Variants in ANKS1B observed in about 807,000 individuals in gnomAD.
ANKS1B encodes ankyrin repeat and sterile alpha motif domain containing 1B.
ANKS1B carries 36 observed loss-of-function variants against 148.3 expected under a neutral mutation model. The ratio of observed to expected loss-of-function variants is 0.24; its 90% CI spans 0.19 to 0.32. ANKS1B has a LOEUF of 0.32. ANKS1B is among the 10% of genes least tolerant of loss of function. The pLI is 1.00. For missense variants in ANKS1B, 1,157 were observed against 1,542.6 expected, an observed-to-expected ratio of 0.75 and a Z score of 4.19; for synonymous variants, 542 against 560.8, an observed-to-expected ratio of 0.97 and a Z score of 0.47.
At chr12:99,409,111 C>A (rs532397157) in intron 11 of ANKS1B, among the ~76,000 whole-genome samples, 6 of 152,240 alleles carry the variant, frequency 3.9e-5, no homozygotes, top group African/African-American at 1.4e-4. Flanking sequence ...TGTCTATCAA[C>A]ATATGAATGG....
At chr12:99,553,777 C>T (rs1173067074) in intron 9 of ANKS1B, among the ~76,000 whole-genome samples, 1 of 152,088 alleles carries the variant, frequency 6.6e-6, no homozygotes, top group African/African-American at 2.4e-5. Flanking sequence ...GATCATCTCT[C>T]CTCCTCTCCA....
At chr12:99,112,697 C>T (rs1449771489) in intron 15 of ANKS1B, among the ~76,000 whole-genome samples, 1 of 152,096 alleles carries the variant, frequency 6.6e-6, no homozygotes, top group Non-Finnish European at 1.5e-5. Context: ...CACCCACAAA[C>T]CCCATGAGGT....
At chr12:99,107,665 G>T (rs1286551442) in intron 15 of ANKS1B, among the ~76,000 whole-genome samples, 2 of 152,250 alleles carry the variant, frequency 1.3e-5, no homozygotes, top group Middle Eastern at 6.8e-3. Flanking sequence ...TCCAGAAATC[G>T]CCCGGCCTGG....
intron 15 of ANKS1B, among the ~76,000 whole-genome samples, chr12:99,149,709 G>A (rs1190956723): frequency 6.6e-6 from 1 of 152,106 alleles, no homozygotes; most frequent in Non-Finnish European, 1.5e-5. Flanking sequence ...CCTTAATACA[G>A]TCTTCAGACT....
intron 16 of ANKS1B, among the ~76,000 whole-genome samples, chr12:99,078,318 C>T (rs1175319469): frequency 6.6e-6 from 1 of 152,188 alleles, no homozygotes; most frequent in Non-Finnish European, 1.5e-5. Flanking sequence ...TGGTAAAATA[C>T]TCTTTTCAGT....
chr12:99,715,639 G>A (rs1360215309), intron 8 of ANKS1B, among the ~76,000 whole-genome samples: 1 of 152,136 alleles, frequency 6.6e-6, no homozygotes, highest in Non-Finnish European at 1.5e-5. Context: ...TCCCTTGGGA[G>A]ATCAATCCCC....
intron 17 of ANKS1B, among the ~76,000 whole-genome samples, chr12:99,010,174 A>G (rs1598404439): frequency 6.6e-6 from 1 of 152,198 alleles, no homozygotes; most frequent in Non-Finnish European, 1.5e-5. Context: ...CTCTAAAGCT[A>G]GACTTCTGGG....
chr12:98,745,256 A>AATG lies in ANKS1B; in HGVS notation c.*480_*482dup. ...TGTCCTTTTGCATTAAACGATACTC[A>AATG]ATGATAGAATGATTTTACAGATGCT... is the stretch of plus-strand genomic sequence containing the variant. On this transcript the variant is annotated 3_prime_UTR_variant, in exon 27 of 27. Transcript: ENST00000683438. 3 of 985,858 alleles carry AATG rather than the reference A, an allele frequency of 3.0e-6. No individual in the cohort carries two copies. Among genetic ancestry groups the AATG allele is most frequent in the Non-Finnish European group, 3.6e-6 (3 of 829,998 alleles). The allele number at this position is 985,858 out of a possible 1,614,324, so 61.1% of individuals were successfully genotyped here. A position where few individuals can be genotyped will look rare whatever the true frequency, so the allele number is the denominator to read the frequency against.
intron 13 of ANKS1B, among the ~76,000 whole-genome samples, chr12:99,245,263 GTTAA>G (rs2090063651): frequency 6.6e-6 from 1 of 152,136 alleles, no homozygotes; most frequent in African/African-American, 2.4e-5. Flanking sequence ...TAAGTTAAAT[GTTAA>G]TTAATCCTGC....
At chr12:99,238,913 G>A (rs1281374497) in intron 14 of ANKS1B, among the ~76,000 whole-genome samples, 2 of 152,098 alleles carry the variant, frequency 1.3e-5, no homozygotes, top group East Asian at 3.9e-4. Flanking sequence ...ATCTGTATAG[G>A]TCACCAACAT....
intron 1 of ANKS1B, among the ~76,000 whole-genome samples, chr12:99,961,220 C>A (rs1429854886): frequency 1.4e-5 from 2 of 146,438 alleles, no homozygotes; most frequent in Admixed American, 6.8e-5. Flanking sequence ...CAGAGTGAGA[C>A]TCCCTCTCAA....
intron 17 of ANKS1B, among the ~76,000 whole-genome samples, chr12:99,051,644 T>G (rs1249932353): frequency 6.6e-6 from 1 of 152,226 alleles, no homozygotes; most frequent in African/African-American, 2.4e-5. Context: ...TGAATGAAAT[T>G]AACCAAAGGC....
intron 9 of ANKS1B, among the ~76,000 whole-genome samples, chr12:99,606,585 C>T (rs2097853267): frequency 6.6e-6 from 1 of 151,942 alleles, no homozygotes; most frequent in African/African-American, 2.4e-5. Context: ...CGCCAAAGTA[C>T]ATAAACTTAT....
intron 9 of ANKS1B, among the ~76,000 whole-genome samples, chr12:99,608,812 T>C (rs1035577672): frequency 6.6e-6 from 1 of 152,018 alleles, no homozygotes; most frequent in Non-Finnish European, 1.5e-5. Flanking sequence ...CTATGTATGA[T>C]TACCAGAATG....
intron 12 of ANKS1B, among the ~76,000 whole-genome samples, chr12:99,378,359 C>T (rs2093478157): frequency 6.6e-6 from 1 of 151,946 alleles, no homozygotes; most frequent in African/African-American, 2.4e-5. Context: ...AAAACACTGC[C>T]AGTTTAAAAG....
At chr12:98,841,206 G>A (rs1211911160) in intron 17 of ANKS1B, among the ~76,000 whole-genome samples, 2 of 151,978 alleles carry the variant, frequency 1.3e-5, no homozygotes, top group Non-Finnish European at 2.9e-5. Context: ...GTATTGTAAA[G>A]GAAATTATGG....
chr12:98,924,261 C>T (rs1424405050), intron 17 of ANKS1B, among the ~76,000 whole-genome samples: 1 of 152,210 alleles, frequency 6.6e-6, no homozygotes, highest in Non-Finnish European at 1.5e-5. Context: ...TGCTAAGTTA[C>T]TACTTTTTGC....
intron 9 of ANKS1B, among the ~76,000 whole-genome samples, chr12:99,620,138 G>A (rs1181198759): frequency 6.6e-6 from 1 of 152,114 alleles, no homozygotes; most frequent in African/African-American, 2.4e-5. Context: ...TAGAAGCAAA[G>A]CCAAAACACC....
chr12:99,884,191 T>A (rs140709233), intron 1 of ANKS1B, among the ~76,000 whole-genome samples: 88 of 152,122 alleles, frequency 5.8e-4, no homozygotes, highest in African/African-American at 2.1e-3. Flanking sequence ...TTAGAAAATG[T>A]AAATAAAAAT....
Sources: gnomAD v4.1 joint callset for allele counts (sites outside exome capture counted in the v4.1 genomes callset) on GRCh38, gnomAD v4.1.1 for gene constraint, MANE v1.5 for transcripts, NCBI Gene and HGNC (gene_info 2026-07-23, HGNC 2026-07-21) for gene names.